The following SLC18A2 variants were observed in gnomAD, a reference collection of about 807,000 sequenced individuals.
SLC18A2 encodes the protein solute carrier family 18 member A2.
In SLC18A2, 33 loss-of-function variants were observed where a neutral mutation model predicts 59.2. The ratio of observed to expected loss-of-function variants is 0.56; its 90% CI spans 0.42 to 0.75. The LOEUF (loss-of-function observed/expected upper bound fraction) is 0.75, where lower values mean the gene tolerates loss of function less well. Ranked by LOEUF, SLC18A2 falls within the 30% of genes least tolerant of loss-of-function variation. SLC18A2 has a pLI of 0.00. For missense variants in SLC18A2, 569 were observed against 668.6 expected (o/e 0.85, Z 1.64); for synonymous variants, 228 against 253.5 (o/e 0.90, Z 0.95).
rs747887406 is a variant in SLC18A2 at position 117,241,827 on chromosome 10, A to G, written c.121+13A>G. 9.4e-6 allele frequency: 15 copies of G among 1,600,640 alleles called. No individual in the cohort carries two copies. In the Admixed American group the frequency reaches 1.0e-4, roughly 11 times the overall value. On this transcript the variant is annotated intron_variant, in intron 2 of 15. Transcript: ENST00000644641. ...CTCACTGTCGTGGGTACGTGCGGAC[A>G]GGGCACCCCTGCCCCGGCACCCCAG... is the stretch of plus-strand genomic sequence containing the variant.
rs752986948 is a variant in SLC18A2 at position 117,269,139 on chromosome 10, C to T, written c.1187-932C>T. ...TAGATACACATACACATACAAACACCCACCCACATACATATGCACACATAC... is the reference window on the plus strand; with the variant it reads ...TAGATACACATACACATACAAACACTCACCCACATACATATGCACACATAC... On this transcript the variant is annotated intron_variant, in intron 13 of 15. Transcript: ENST00000644641. This position sits in a 1 kb window ranked among gnomAD's most constrained non-coding sequence, Gnocchi z 5.1. 2.8e-5 allele frequency among the ~76,000 whole-genome samples: 4 copies of T among 141,084 alleles called. No individual in the cohort carries two copies. Among genetic ancestry groups the T allele is most frequent in the Non-Finnish European group, 6.2e-5 (4 of 64,758 alleles). The allele number at this position is 141,084 out of a possible 152,430, so 92.6% of individuals were successfully genotyped here. A position where few individuals can be genotyped will look rare whatever the true frequency, so the allele number is the denominator to read the frequency against.
Position 117,255,608 on chromosome 10 carries a change from G to A in SLC18A2, c.846G>A (p.Gly282=). The part of the protein sequence containing the change: ...PSRVQPESQK[G]TPLTTLLKDP... ...TTTTTTCTTGACAGAGTCAGAAGGG[G>A]ACACCCCTAACCACGCTGCTGAAGG... The change falls in exon 9 of 16, where the codon GGG becomes GGA. Residue 282 remains glycine, a synonymous_variant. Transcript: ENST00000644641. 6.2e-7 allele frequency: 1 copy of A among 1,614,092 alleles called. No individual in the cohort carries two copies.
chr10:117,272,113 C>T (rs762682887), intron 15 of SLC18A2, among the ~76,000 whole-genome samples: 6 of 152,120 alleles, frequency 3.9e-5, no homozygotes, highest in Non-Finnish European at 8.8e-5. Flanking sequence ...GAAATGATAA[C>T]GTCTACCTCA....
intron 15 of SLC18A2, among the ~76,000 whole-genome samples, chr10:117,273,731 G>A (rs1282258639): frequency 6.6e-6 from 1 of 152,170 alleles, no homozygotes; most frequent in Non-Finnish European, 1.5e-5. Context: ...CTACTCAGAA[G>A]GCCCAGGACC....
intron 5 of SLC18A2, 105 bp from the exon 6 acceptor site, chr10:117,254,300 G>C: frequency 8.3e-7 from 1 of 1,211,258 alleles, no homozygotes; most frequent in Non-Finnish European, 1.2e-6. Flanking sequence ...GAATCTGACA[G>C]GTTTGGGAAG....
intron 3 of SLC18A2, among the ~76,000 whole-genome samples, chr10:117,252,134 A>ATT (rs57101171): frequency 4.1e-4 from 18 of 44,350 alleles, no homozygotes; most frequent in Non-Finnish European, 4.8e-4. Flanking sequence ...CATTTTTTGT[A>ATT]TTTTTTTTTT....
intron 15 of SLC18A2, among the ~76,000 whole-genome samples, chr10:117,272,971 G>A (rs1057208586): frequency 1.3e-5 from 2 of 152,238 alleles, no homozygotes; most frequent in African/African-American, 2.4e-5. Flanking sequence ...GCAGACAAGT[G>A]CTGGCGTTCA....
chr10:117,264,940 T>G (rs974234955), intron 10 of SLC18A2, among the ~76,000 whole-genome samples: 1 of 152,170 alleles, frequency 6.6e-6, no homozygotes, highest in Non-Finnish European at 1.5e-5. Flanking sequence ...GTTCCTTACT[T>G]GGCCAGGTCA....
chr10:117,259,150 T>C (rs1045378375), intron 10 of SLC18A2, among the ~76,000 whole-genome samples: 1 of 152,240 alleles, frequency 6.6e-6, no homozygotes. Flanking sequence ...TGGGTAATTA[T>C]TGTTCACAGC....
chr10:117,277,107 C>A, intron 15 of SLC18A2, 55 bp from the exon 16 acceptor site: 1 of 1,017,960 alleles, frequency 9.8e-7, no homozygotes, highest in Non-Finnish European at 1.5e-6. Context: ...AGGTTAAAAC[C>A]ATCTTATCTT....
chr10:117,270,258 G>C, intron 14 of SLC18A2, 68 bp downstream of exon 14: 2 of 1,612,970 alleles, frequency 1.2e-6, no homozygotes, highest in Non-Finnish European at 1.7e-6. Context: ...TACTAAAATT[G>C]TTTAAATCTT....
At chr10:117,265,020 CTT>C (rs1392189091) in intron 10 of SLC18A2, among the ~76,000 whole-genome samples, 6 of 152,214 alleles carry the variant, frequency 3.9e-5, no homozygotes, top group Admixed American at 3.9e-4. Context: ...TTGTCATTGT[CTT>C]TGCTGCAGGC....
At chr10:117,241,446 T>G (rs1844050673) in intron 1 of SLC18A2, among the ~76,000 whole-genome samples, 1 of 151,902 alleles carries the variant, frequency 6.6e-6, no homozygotes, top group Non-Finnish European at 1.5e-5. Flanking sequence ...TCCTGGGGGT[T>G]CTAGGTTGGG....
intron 3 of SLC18A2, 50 bp from the exon 4 acceptor site, chr10:117,253,348 TA>T (rs758742597): frequency 4.3e-6 from 6 of 1,388,166 alleles, no homozygotes; most frequent in Non-Finnish European, 6.2e-6. Flanking sequence ...TATAAAGCCT[TA>T]AAAAAATAGC....
intron 3 of SLC18A2, among the ~76,000 whole-genome samples, chr10:117,247,306 T>C (rs1319085299): frequency 1.3e-5 from 2 of 152,246 alleles, no homozygotes; most frequent in African/African-American, 4.8e-5. Flanking sequence ...GTTAAAAATA[T>C]GGAGCATCAG....
At chr10:117,251,245 C>T (rs1011372475) in intron 3 of SLC18A2, among the ~76,000 whole-genome samples, 3 of 152,172 alleles carry the variant, frequency 2.0e-5, no homozygotes, top group Admixed American at 6.5e-5. Flanking sequence ...GTCATATGCC[C>T]GTTCTTTCAT....
At chr10:117,257,386 T>A (rs1173324302) in intron 9 of SLC18A2, among the ~76,000 whole-genome samples, 1 of 152,058 alleles carries the variant, frequency 6.6e-6, no homozygotes, top group Admixed American at 6.5e-5. Context: ...CCCACGTATA[T>A]TGCACAGTAA....
At chr10:117,275,413 C>T (rs1432703617) in intron 15 of SLC18A2, among the ~76,000 whole-genome samples, 3 of 152,094 alleles carry the variant, frequency 2.0e-5, no homozygotes, top group Non-Finnish European at 4.4e-5. Flanking sequence ...TTACAATAGG[C>T]CAACATCAGA....
intron 10 of SLC18A2, among the ~76,000 whole-genome samples, chr10:117,258,572 TA>T (rs201085112): frequency 5.6e-4 from 25 of 45,030 alleles, no homozygotes; most frequent in East Asian, 3.7e-3. Context: ...AATTAAATTT[TA>T]TTTTTTTTTA....
Sources: allele counts gnomAD v4.1 joint callset (sites outside exome capture counted in the v4.1 genomes callset), GRCh38; gene constraint gnomAD v4.1.1; non-coding constraint Gnocchi (gnomAD v3.1); transcripts MANE v1.5; gene names NCBI Gene and HGNC (gene_info 2026-07-23, HGNC 2026-07-21).